Variants in KAZN observed in about 807,000 individuals in gnomAD.
KAZN encodes the protein kazrin.
In KAZN, 40 loss-of-function variants were observed where a neutral mutation model predicts 87.4. That is an observed-to-expected ratio of 0.46 (90% confidence interval 0.36 to 0.60). The LOEUF is 0.60. Ranked by LOEUF, KAZN falls within the 20% of genes least tolerant of loss-of-function variation. The pLI, the probability that KAZN is intolerant of heterozygous loss-of-function variation, is 0.00. For missense variants in KAZN, 898 were observed against 1,073.9 expected (o/e 0.84, Z 2.29); for synonymous variants, 466 against 458.3 (o/e 1.02, Z -0.22).
At chr1:14,907,497 T>C (rs1407074699) in intron 1 of KAZN, among the ~76,000 whole-genome samples, 2 of 151,568 alleles carry the variant, frequency 1.3e-5, no homozygotes, top group Non-Finnish European at 2.9e-5. Flanking sequence ...CAGGAGATGA[T>C]TGTGTTCAGT....
intron 2 of KAZN, among the ~76,000 whole-genome samples, chr1:14,209,064 A>G (rs755768528): frequency 5.3e-5 from 8 of 152,182 alleles, no homozygotes; most frequent in African/African-American, 7.2e-5. Flanking sequence ...CTGCTCCCCT[A>G]TGCCCCCACC....
At chr1:14,445,404 C>T (rs530241376) in intron 2 of KAZN, among the ~76,000 whole-genome samples, 33 of 152,172 alleles carry the variant, frequency 2.2e-4, no homozygotes, top group Non-Finnish European at 3.2e-4. Flanking sequence ...ACACACAAGC[C>T]GAGAAGGAAG....
intron 1 of KAZN, among the ~76,000 whole-genome samples, chr1:14,685,097 A>C (rs1487522053): frequency 6.6e-6 from 1 of 152,204 alleles, no homozygotes; most frequent in Non-Finnish European, 1.5e-5. Context: ...ACAAGGATTC[A>C]AGAACAAATA....
chr1:14,412,587 T>TGAAACTTTATTA (rs762702630), intron 2 of KAZN, among the ~76,000 whole-genome samples: 113 of 152,052 alleles, frequency 7.4e-4, no homozygotes, highest in Non-Finnish European at 1.6e-3. Context: ...GAGAAATGTA[T>TGAAACTTTATTA]GAAACTTTAT....
chr1:14,353,312 C>T (rs1340149264), intron 2 of KAZN, among the ~76,000 whole-genome samples: 1 of 144,702 alleles, frequency 6.9e-6, no homozygotes, highest in Non-Finnish European at 1.5e-5. Flanking sequence ...GCAAGCTCTG[C>T]CTCCCAGGGT....
chr1:14,963,294 G>T (rs541034391), intron 2 of KAZN, among the ~76,000 whole-genome samples: 1 of 152,310 alleles, frequency 6.6e-6, no homozygotes, highest in South Asian at 2.1e-4. Flanking sequence ...TTCTAAGTAC[G>T]TGACTTACCA....
chr1:14,493,028 C>T (rs141465840), intron 2 of KAZN, among the ~76,000 whole-genome samples: 70 of 152,152 alleles, frequency 4.6e-4, no homozygotes, highest in Non-Finnish European at 6.2e-4. Context: ...CCTAGACGTT[C>T]GCACAGCTTG....
chr1:14,945,457 G>T (rs1356200936), intron 1 of KAZN, among the ~76,000 whole-genome samples: 1 of 152,126 alleles, frequency 6.6e-6, no homozygotes, highest in Non-Finnish European at 1.5e-5. Context: ...TGTGATCCCC[G>T]TGCCCCTCTG....
chr1:14,646,916 C>G (rs965174136), intron 1 of KAZN, among the ~76,000 whole-genome samples: 3 of 152,124 alleles, frequency 2.0e-5, no homozygotes, highest in African/African-American at 2.4e-5. Context: ...GACAGGGTTC[C>G]CCAGGGCATG....
chr1:15,080,843 G>T (rs2100629783), intron 8 of KAZN, among the ~76,000 whole-genome samples: 1 of 152,256 alleles, frequency 6.6e-6, no homozygotes, highest in South Asian at 2.1e-4. Context: ...CTGTGCCTTA[G>T]GGCATGCTGG....
At chr1:14,476,067 C>A (rs1571742721) in intron 2 of KAZN, among the ~76,000 whole-genome samples, 1 of 152,258 alleles carries the variant, frequency 6.6e-6, no homozygotes, top group Middle Eastern at 3.4e-3. Flanking sequence ...TAGTACTCTG[C>A]CCATTGTGCA....
At chr1:14,348,254 G>T (rs1304791941) in intron 2 of KAZN, among the ~76,000 whole-genome samples, 1 of 151,982 alleles carries the variant, frequency 6.6e-6, no homozygotes, top group Non-Finnish European at 1.5e-5. Context: ...GTTTCACTAT[G>T]TTGGCCAGGC....
At chr1:14,924,186 A>G in intron 1 of KAZN, 1 of 980,078 alleles carries the variant, frequency 1.0e-6, no homozygotes, top group Non-Finnish European at 1.2e-6. Flanking sequence ...GCAGGCGCGG[A>G]CCGCCCGGCG....
chr1:14,955,526 T>C (rs541775087), intron 1 of KAZN, among the ~76,000 whole-genome samples: 11 of 152,182 alleles, frequency 7.2e-5, no homozygotes, highest in Non-Finnish European at 1.3e-4. Context: ...CCGATAAGCC[T>C]CTCTCTTTCC....
intron 1 of KAZN, among the ~76,000 whole-genome samples, chr1:14,704,333 A>G (rs1051918432): frequency 2.0e-5 from 3 of 152,240 alleles, no homozygotes; most frequent in African/African-American, 4.8e-5. Flanking sequence ...CCATCATACC[A>G]TGAGGTCAAA....
chr1:13,964,854 G>T (rs185263746), intron 1 of KAZN, among the ~76,000 whole-genome samples: 1 of 152,324 alleles, frequency 6.6e-6, no homozygotes, highest in African/African-American at 2.4e-5. Context: ...TGAGAAGGGT[G>T]CAGGTCGCAG....
chr1:14,245,114 C>G (rs531802230), intron 2 of KAZN, among the ~76,000 whole-genome samples: 1 of 152,148 alleles, frequency 6.6e-6, no homozygotes, highest in East Asian at 1.9e-4. Flanking sequence ...GTGCCCACCA[C>G]CACGCCTGGC....
At chr1:14,298,374 A>T (rs1014980669) in intron 2 of KAZN, among the ~76,000 whole-genome samples, 8 of 152,184 alleles carry the variant, frequency 5.3e-5, no homozygotes, top group Non-Finnish European at 1.0e-4. Flanking sequence ...TTCTTTCATG[A>T]TGAAACTCAA....
At position 14,599,177 on chromosome 1, in the gene KAZN, G is replaced by A. The variant is rs1054026154; in HGVS notation, c.180G>A (p.Gly60=). 4 of 1,380,334 alleles carry A rather than the reference G, an allele frequency of 2.9e-6. No individual in the cohort carries two copies. The highest frequency in any genetic ancestry group is 1.9e-5 in the South Asian group (1 of 52,722). The allele number at this position is 1,380,334 out of a possible 1,614,324, so 85.5% of individuals were successfully genotyped here. ...CCGCGGCCAGCGCCTCGGCGGCGGGGGACTCGGCGGCGACGAACATGGAGA... is the reference window on the plus strand; with the variant it reads ...CCGCGGCCAGCGCCTCGGCGGCGGGAGACTCGGCGGCGACGAACATGGAGA... The part of the protein sequence containing the change: ...PGAAASASAA[G]DSAATNMENP... The change falls in exon 1 of 15, where the codon GGG becomes GGA. Residue 60 remains glycine, a synonymous_variant. Transcript: ENST00000376030. This position sits in a 1 kb window ranked among gnomAD's most constrained non-coding sequence, Gnocchi z 4.4.
Sources: gnomAD v4.1 joint callset for allele counts (sites outside exome capture counted in the v4.1 genomes callset) on GRCh38, gnomAD v4.1.1 for gene constraint, Gnocchi (gnomAD v3.1) non-coding constraint, MANE v1.5 for transcripts, NCBI Gene and HGNC (gene_info 2026-07-23, HGNC 2026-07-21) for gene names.